LRRC20: variants seen among roughly 807,000 people sequenced by gnomAD.
LRRC20 encodes the protein leucine rich repeat containing 20, also known as leucine-rich repeat-containing protein 20.
A neutral mutation model predicts 14.4 loss-of-function variants in LRRC20; 11 were observed. The observed-to-expected ratio is 0.77, with a 90% CI of 0.48 to 1.27. LRRC20 has a LOEUF of 1.27. Among genes scored for constraint, LRRC20 ranks in the 50% most tolerant of loss-of-function variants. The probability of loss-of-function intolerance (pLI) is 0.00; values close to 1 mark genes in which losing one functional copy is unlikely to be tolerated. For synonymous variants in LRRC20, 121 were observed against 107.3 expected (o/e 1.13, Z -0.79); for missense variants, 219 against 251.2 (o/e 0.87, Z 0.87).
At chr10:70,348,776 A>G (rs1015440045) in intron 2 of LRRC20, among the ~76,000 whole-genome samples, 4 of 152,216 alleles carry the variant, frequency 2.6e-5, no homozygotes, top group African/African-American at 9.6e-5. Flanking sequence ...AGAGCCCTCA[A>G]TGCCTCTGGG....
chr10:70,301,543 G>T, intron 4 of LRRC20, 35 bp from the exon 5 acceptor site: 1 of 1,603,192 alleles, frequency 6.2e-7, no homozygotes, highest in Non-Finnish European at 8.5e-7. Flanking sequence ...TAGAGTGGTG[G>T]AGGCCAACCA....
chr10:70,350,281 C>T (rs1843252422), intron 2 of LRRC20, among the ~76,000 whole-genome samples: 1 of 152,210 alleles, frequency 6.6e-6, no homozygotes, highest in South Asian at 2.1e-4. Context: ...ACAGAAAGAT[C>T]CTTGGGGGAG....
chr10:70,326,567 T>C (rs899627641), intron 3 of LRRC20, among the ~76,000 whole-genome samples: 4 of 152,124 alleles, frequency 2.6e-5, no homozygotes, highest in African/African-American at 9.7e-5. Context: ...GAACCCAAGG[T>C]TCCATCAACA....
chr10:70,301,073 G>A lies in LRRC20; in HGVS notation c.*281C>T, dbSNP rs1231120888. The A allele has an allele frequency of 1.6e-6, 2 of 1,212,192 alleles. No homozygotes were observed. Among genetic ancestry groups the A allele is most frequent in the Non-Finnish European group, 2.1e-6 (2 of 974,088 alleles). 75.1% of individuals were successfully genotyped at this position (1,212,192 alleles called of 1,614,324 possible). Reference sequence around the variant, plus strand: ...AGGGAAAGGGTCCTGTTTTTTTCAAGTGACAAGGCTCAGAGAGGGCAGGAG... The same window carrying A: ...AGGGAAAGGGTCCTGTTTTTTTCAAATGACAAGGCTCAGAGAGGGCAGGAG... On this transcript the variant is annotated 3_prime_UTR_variant, in exon 5 of 5. Coordinates refer to ENST00000446961, the MANE Select transcript of LRRC20 (RefSeq NM_001278212.2).
chr10:70,377,895 A>G (rs970601711), intron 1 of LRRC20, among the ~76,000 whole-genome samples: 1 of 152,218 alleles, frequency 6.6e-6, no homozygotes, highest in Non-Finnish European at 1.5e-5. Flanking sequence ...ACAGTGGGAA[A>G]ACACTGATTT....
At chr10:70,381,701 A>C (rs1844713880) in intron 1 of LRRC20, 1 of 152,382 alleles carries the variant, frequency 6.6e-6, no homozygotes, top group African/African-American at 2.4e-5. Flanking sequence ...GACCATGCCA[A>C]GCCGGGGAGC....
At chr10:70,310,825 C>T (rs149898631) in intron 4 of LRRC20, among the ~76,000 whole-genome samples, 37 of 152,332 alleles carry the variant, frequency 2.4e-4, no homozygotes, top group African/African-American at 6.7e-4. Flanking sequence ...CAGTCAGGGC[C>T]AGGCCTCTGT....
chr10:70,346,169 C>T (rs1348595659), intron 2 of LRRC20, among the ~76,000 whole-genome samples: 1 of 152,126 alleles, frequency 6.6e-6, no homozygotes, highest in African/African-American at 2.4e-5. Flanking sequence ...AGGAGAACTG[C>T]CTGAACCCGG....
chr10:70,310,274 G>A (rs568192473), intron 4 of LRRC20, among the ~76,000 whole-genome samples: 15 of 152,320 alleles, frequency 9.8e-5, no homozygotes, highest in African/African-American at 3.4e-4. Flanking sequence ...GGCTGCAGAG[G>A]AGAATATGAA....
chr10:70,300,324 G>C lies in LRRC20; in HGVS notation c.*1030C>G. ...AAAGTTCCATGTCCTGGGAAACCAG[G>C]ACAGCTGGTCACCCTGTTGCCTGAC... is the stretch of plus-strand genomic sequence containing the variant. On this transcript the variant is annotated 3_prime_UTR_variant, in exon 5 of 5. Transcript: ENST00000446961. 1.0e-6 allele frequency: 1 copy of C among 976,194 alleles called. No homozygotes were observed. Among genetic ancestry groups the C allele is most frequent in the Non-Finnish European group, 1.2e-6 (1 of 821,524 alleles). 60.5% of individuals were successfully genotyped at this position (976,194 alleles called of 1,614,324 possible).
Position 70,301,268 on chromosome 10 carries a change from G to A in LRRC20, c.*86C>T. 1 of 1,506,124 alleles carries A rather than the reference G, an allele frequency of 6.6e-7. No individual in the cohort carries two copies. The highest frequency in any genetic ancestry group is 8.8e-7 in the Non-Finnish European group (1 of 1,133,082). The allele number at this position is 1,506,124 out of a possible 1,614,324, so 93.3% of individuals were successfully genotyped here. On this transcript the variant is annotated 3_prime_UTR_variant, in exon 5 of 5. Transcript: ENST00000446961. ...CGGCCCACCCGCCCCCAGCCCCCAGGCTTGGCCTCCCATGGGCCTCCCTCC... is the reference window on the plus strand; with the variant it reads ...CGGCCCACCCGCCCCCAGCCCCCAGACTTGGCCTCCCATGGGCCTCCCTCC...
chr10:70,333,843 T>C (rs1842624979), intron 3 of LRRC20, among the ~76,000 whole-genome samples: 1 of 152,190 alleles, frequency 6.6e-6, no homozygotes, highest in South Asian at 2.1e-4. Context: ...TGGGTTGCAC[T>C]GAAAGAACCA....
chr10:70,375,280 T>C (rs1353800779), intron 2 of LRRC20, among the ~76,000 whole-genome samples: 1 of 152,110 alleles, frequency 6.6e-6, no homozygotes, highest in Non-Finnish European at 1.5e-5. Context: ...GTTTACAAAG[T>C]GCCTGACACT....
chr10:70,368,589 T>C (rs768875525), intron 2 of LRRC20, among the ~76,000 whole-genome samples: 2 of 151,920 alleles, frequency 1.3e-5, no homozygotes, highest in Non-Finnish European at 2.9e-5. Flanking sequence ...TCTGCATTTT[T>C]TTTCTGAAAT....
chr10:70,310,713 C>G (rs1589941850), intron 4 of LRRC20, among the ~76,000 whole-genome samples: 1 of 152,342 alleles, frequency 6.6e-6, no homozygotes, highest in East Asian at 1.9e-4. Context: ...GCTGGGCAAA[C>G]AGCAGAATCG....
intron 2 of LRRC20, among the ~76,000 whole-genome samples, chr10:70,342,476 G>A (rs1230685587): frequency 6.6e-6 from 1 of 152,070 alleles, no homozygotes; most frequent in Non-Finnish European, 1.5e-5. Context: ...TATTATATAT[G>A]TGAACAGCAG....
intron 2 of LRRC20, among the ~76,000 whole-genome samples, chr10:70,360,871 GA>G (rs1021658122): frequency 3.3e-5 from 5 of 152,166 alleles, no homozygotes; most frequent in African/African-American, 1.2e-4. Context: ...AGGTCCCACT[GA>G]AATGGGTGGC....
Position 70,301,293 on chromosome 10 carries a change from C to T in LRRC20, c.*61G>A. The T allele has an allele frequency of 1.3e-6, 2 of 1,555,370 alleles. No homozygotes were observed. Among genetic ancestry groups the T allele is most frequent in the South Asian group, 1.2e-5 (1 of 83,600 alleles). Reference sequence around the variant, plus strand: ...GCTTGGCCTCCCATGGGCCTCCCTCCCTTCCAGGGTTCCAGGCCTGTGGCC... The same window carrying T: ...GCTTGGCCTCCCATGGGCCTCCCTCTCTTCCAGGGTTCCAGGCCTGTGGCC... On this transcript the variant is annotated 3_prime_UTR_variant, in exon 5 of 5. Transcript: ENST00000446961.
chr10:70,301,602 T>A, intron 4 of LRRC20, 94 bp from the exon 5 acceptor site: 1 of 1,439,436 alleles, frequency 6.9e-7, no homozygotes, highest in Non-Finnish European at 9.5e-7. Flanking sequence ...CACCTGATGG[T>A]GAGGGGCAGC....
Sources: gnomAD v4.1 joint callset for allele counts (sites outside exome capture counted in the v4.1 genomes callset) on GRCh38, gnomAD v4.1.1 for gene constraint, MANE v1.5 for transcripts, NCBI Gene and HGNC (gene_info 2026-07-23, HGNC 2026-07-21) for gene names.